The following SPPL3 variants were observed in gnomAD, a reference collection of about 807,000 sequenced individuals.
The protein encoded by SPPL3 is signal peptide peptidase-like 3.
Under a neutral mutation model 42.4 loss-of-function variants are expected in SPPL3, and 5 were observed. The observed-to-expected ratio is 0.12, with a 90% confidence interval of 0.06 to 0.25. The LOEUF (loss-of-function observed/expected upper bound fraction) is 0.25. Among genes scored for constraint, SPPL3 ranks in the 10% least tolerant of loss-of-function variants. The pLI is 1.00. For missense variants in SPPL3, 235 were observed against 489.0 expected (o/e 0.48, Z 4.90); for synonymous variants, 195 against 181.8 (o/e 1.07, Z -0.58).
At chr12:120,789,824 CA>C (rs3050392) in intron 3 of SPPL3, among the ~76,000 whole-genome samples, 1,307 of 30,286 alleles carry the variant, frequency 0.043, 4 homozygotes, top group African/African-American at 0.13. Context: ...GACTCCGTCT[CA>C]AAAAAAAAAA....
At chr12:120,783,425 T>C (rs553210054) in intron 5 of SPPL3, among the ~76,000 whole-genome samples, 1 of 152,338 alleles carries the variant, frequency 6.6e-6, no homozygotes. Context: ...CATCTTTCAA[T>C]GATCTAAGTA....
At chr12:120,782,282 A>T (rs1869571059) in intron 6 of SPPL3, among the ~76,000 whole-genome samples, 1 of 152,266 alleles carries the variant, frequency 6.6e-6, no homozygotes. Context: ...AATAAATAAA[A>T]TTAGTGTATC....
At chr12:120,765,185 GC>G in intron 10 of SPPL3, 115 bp from the exon 11 acceptor site, 1 of 904,226 alleles carries the variant, frequency 1.1e-6, no homozygotes, top group Non-Finnish European at 1.6e-6. Flanking sequence ...CTATATATTG[GC>G]CAGGCTGGTC....
intron 1 of SPPL3, among the ~76,000 whole-genome samples, chr12:120,830,580 GGAGAGAGAGAGA>G (rs151140429): frequency 1.4e-4 from 1 of 7,312 alleles, no homozygotes; most frequent in Non-Finnish European, 3.1e-4. Flanking sequence ...AGGGGGGGAA[GGAGAGAGAGAGA>G]GAGAGAGAGA....
chr12:120,861,382 C>T (rs949572998), intron 1 of SPPL3, among the ~76,000 whole-genome samples: 1 of 152,024 alleles, frequency 6.6e-6, no homozygotes, highest in Non-Finnish European at 1.5e-5. Flanking sequence ...AGACAAAGTA[C>T]AAAAATTCTC....
chr12:120,775,063 G>A (rs879813804), intron 6 of SPPL3, among the ~76,000 whole-genome samples: 2 of 152,160 alleles, frequency 1.3e-5, no homozygotes, highest in Non-Finnish European at 2.9e-5. Flanking sequence ...TAACCTGTAA[G>A]GTTTCTAAGC....
intron 2 of SPPL3, chr12:120,791,928 C>G: frequency 4.2e-6 from 1 of 238,512 alleles, no homozygotes; most frequent in South Asian, 5.2e-5. Flanking sequence ...CATCAGTTCA[C>G]TCTCTCAGCA....
intron 1 of SPPL3, among the ~76,000 whole-genome samples, chr12:120,850,732 C>T (rs145489223): frequency 0.02 from 2,988 of 152,240 alleles, 30 homozygotes; most frequent in South Asian, 0.051. Flanking sequence ...AATCTGACAT[C>T]GGTTTTATAG....
At chr12:120,815,069 T>A (rs1477727131) in intron 1 of SPPL3, among the ~76,000 whole-genome samples, 1 of 152,218 alleles carries the variant, frequency 6.6e-6, no homozygotes, top group Non-Finnish European at 1.5e-5. Flanking sequence ...AACAAGTAAT[T>A]CTGTAATAAT....
In SPPL3 at chr12:120,778,851, CT is replaced by C. The variant is rs1455474641; in HGVS notation, c.502+3803del. Among the ~76,000 whole-genome samples, 3 of 152,032 alleles carry C rather than the reference CT, an allele frequency of 2.0e-5. No homozygotes were observed. The East Asian group carries it at 5.8e-4, about 29-fold the overall frequency. On this transcript the variant is annotated intron_variant, in intron 6 of 10. Coordinates refer to ENST00000353487, the MANE Select transcript of SPPL3 (RefSeq NM_139015.5). The stretch of plus-strand genomic sequence containing the variant: ...TTGTTTTCCTTAAAGTTTAAAATTT[CT>C]TTCTTATTAAGATGATTCTGATTCT...
chr12:120,859,219 T>C (rs763368200), intron 1 of SPPL3, among the ~76,000 whole-genome samples: 1 of 151,862 alleles, frequency 6.6e-6, no homozygotes, highest in African/African-American at 2.4e-5. Flanking sequence ...TACTTACTGG[T>C]TGAACACTGC....
At chr12:120,884,951 T>C (rs1355033366) in intron 1 of SPPL3, among the ~76,000 whole-genome samples, 4 of 152,104 alleles carry the variant, frequency 2.6e-5, no homozygotes, top group Admixed American at 1.3e-4. Flanking sequence ...CCAGATTTTA[T>C]CCCCTAAAGG....
At chr12:120,843,945 G>A (rs4766979) in intron 1 of SPPL3, among the ~76,000 whole-genome samples, 60,114 of 151,982 alleles carry the variant, frequency 0.4, 14,031 homozygotes, top group Middle Eastern at 0.57. Flanking sequence ...GCAACAGAGC[G>A]AGATTCCTCC....
intron 1 of SPPL3, among the ~76,000 whole-genome samples, chr12:120,876,024 C>CA (rs1555253856): frequency 2.1e-5 from 3 of 146,120 alleles, no homozygotes; most frequent in Admixed American, 6.8e-5. Context: ...AGACCCCCCC[C>CA]ACCCAAATCA....
rs368438549 is a variant in SPPL3 at position 120,784,872 on chromosome 12, C to T, written c.191-279G>A. 2.9e-3 allele frequency among the ~76,000 whole-genome samples: 436 copies of T among 152,208 alleles called. 4 individuals carry two copies. The highest frequency in any genetic ancestry group is 9.8e-3 in the African/African-American group (409 of 41,526). On this transcript the variant is annotated intron_variant, in intron 3 of 10. Transcript: ENST00000353487. ...CTGGATGACAGGATCCAAACCACCA[C>T]CGAGAACATTAAGAGGTAGTAAAAA...
At position 120,791,477 on chromosome 12, in the gene SPPL3, G is replaced by A; in HGVS notation, c.182C>T (p.Thr61Ile). 1 of 1,598,986 alleles carries A rather than the reference G, an allele frequency of 6.3e-7. No individual in the cohort carries two copies. Among genetic ancestry groups the A allele is most frequent in the Non-Finnish European group, 8.5e-7 (1 of 1,173,274 alleles). ...SSSGSFNGNSTNNSIQTIDST... is the reference protein window; with the variant it reads ...SSSGSFNGNSINNSIQTIDST... ...GACATAAAATATCTTACTATTATTG[G>A]TGCTGTTGCCATTGAAAGACCCAGA... The change falls in exon 3 of 11, where the codon ACC becomes ATC. Residue 61 changes from threonine (T) to isoleucine (I), a missense_variant. Physicochemically the swap from Thr to Ile is moderately conservative, Grantham distance 89. Around this residue, in one of 6 missense-constraint regions of SPPL3, gnomAD observed 110 missense variants for 186.2 expected, o/e 0.59. Transcript: ENST00000353487.
chr12:120,798,948 C>G (rs150740584), intron 2 of SPPL3, among the ~76,000 whole-genome samples: 1 of 152,116 alleles, frequency 6.6e-6, no homozygotes, highest in Admixed American at 6.5e-5. Context: ...TGCTGAGAAC[C>G]CCCCGCGGGA....
intron 1 of SPPL3, among the ~76,000 whole-genome samples, chr12:120,897,872 G>C (rs1873857432): frequency 6.6e-6 from 1 of 151,896 alleles, no homozygotes; most frequent in Non-Finnish European, 1.5e-5. Flanking sequence ...TCCAAAAGTA[G>C]AACTGACTTC....
At chr12:120,766,829 C>G (rs1868926172) in intron 9 of SPPL3, among the ~76,000 whole-genome samples, 2 of 152,192 alleles carry the variant, frequency 1.3e-5, no homozygotes, top group South Asian at 4.1e-4. Flanking sequence ...GAAATGAACC[C>G]ATGTGAATGA....
Sources: allele counts gnomAD v4.1 joint callset (sites outside exome capture counted in the v4.1 genomes callset), GRCh38; gene constraint gnomAD v4.1.1; regional missense constraint gnomAD v4.1.1; transcripts MANE v1.5; gene names NCBI Gene and HGNC (gene_info 2026-07-23, HGNC 2026-07-21).